The following CCDC170 variants were observed in gnomAD, a reference collection of about 807,000 sequenced individuals.
CCDC170 encodes coiled-coil domain containing 170.
CCDC170 carries 69 observed loss-of-function variants against 72.6 expected under a neutral mutation model. That is an observed-to-expected ratio of 0.95 (90% CI 0.78 to 1.16). The LOEUF (loss-of-function observed/expected upper bound fraction) is 1.16. CCDC170 is among the 50% of genes most tolerant of loss of function. The probability of loss-of-function intolerance (pLI) is 0.00; values close to 1 mark genes in which losing one functional copy is unlikely to be tolerated. For synonymous variants in CCDC170, 300 were observed against 303.9 expected (o/e 0.99, Z 0.13); for missense variants, 852 against 832.5 (o/e 1.02, Z -0.29).
intron 9 of CCDC170, among the ~76,000 whole-genome samples, chr6:151,598,409 T>C (rs73780816): frequency 0.024 from 3,614 of 152,082 alleles, 144 homozygotes; most frequent in African/African-American, 0.082. Context: ...GCTGGAGAGC[T>C]CATTACAGGA....
At chr6:151,494,221 C>T in intron 1 of CCDC170, 36 bp downstream of exon 1, 2 of 1,485,274 alleles carry the variant, frequency 1.3e-6, no homozygotes, top group Non-Finnish European at 1.8e-6. Flanking sequence ...GCGGGGGTGG[C>T]CCTGGGGATA....
intron 9 of CCDC170, among the ~76,000 whole-genome samples, chr6:151,603,206 T>G (rs1301834015): frequency 6.6e-6 from 1 of 150,768 alleles, no homozygotes; most frequent in African/African-American, 2.5e-5. Context: ...TTCTTTTGAG[T>G]TTGGCATGTT....
intron 1 of CCDC170, among the ~76,000 whole-genome samples, chr6:151,507,523 A>G (rs1445497464): frequency 2.0e-5 from 3 of 152,196 alleles, no homozygotes; most frequent in Non-Finnish European, 2.9e-5. Flanking sequence ...AATATCTTCT[A>G]TGAAAGAAGG....
chr6:151,536,245 C>T, intron 1 of CCDC170, 73 bp from the exon 2 acceptor site: 1 of 1,556,862 alleles, frequency 6.4e-7, no homozygotes, highest in Non-Finnish European at 8.8e-7. Context: ...TTTAATCTGG[C>T]TTTGTGCAGC....
chr6:151,601,518 CGT>C (rs201008177), intron 9 of CCDC170, among the ~76,000 whole-genome samples: 14 of 150,442 alleles, frequency 9.3e-5, no homozygotes, highest in Non-Finnish European at 1.2e-4. Context: ...AAAAACAGTG[CGT>C]GTGTGTGTGT....
Position 151,548,477 on chromosome 6 carries a change from G to C in CCDC170, c.762G>C (p.Glu254Asp). The change falls in exon 5 of 11, where the codon GAG (glutamate) becomes GAC (aspartate). Residue 254 changes from glutamate (E) to aspartate (D), a missense_variant. Coordinates refer to ENST00000239374, the MANE Select transcript of CCDC170 (RefSeq NM_025059.4). The part of the protein sequence containing the change: ...KKAASCTEEK[E>D]KLNQDLLSAV... ...CTGCCTCCTGTACTGAAGAGAAAGA[G>C]AAGCTGAACCAGGTATGATATGTGA... is the stretch of plus-strand genomic sequence containing the variant. The C allele has an allele frequency of 6.3e-7, 1 of 1,577,094 alleles. No individual in the cohort carries two copies. The highest frequency in any genetic ancestry group is 8.6e-7 in the Non-Finnish European group (1 of 1,164,082).
chr6:151,534,942 G>A (rs1198720838), intron 1 of CCDC170, among the ~76,000 whole-genome samples: 1 of 152,106 alleles, frequency 6.6e-6, no homozygotes, highest in Non-Finnish European at 1.5e-5. Flanking sequence ...AAAATGAATG[G>A]CTTTCTTCTG....
chr6:151,620,729 C>T lies in CCDC170; in HGVS notation c.*2582C>T, dbSNP rs1777047989. 1 of 151,998 alleles carries T rather than the reference C, an allele frequency of 6.6e-6. No homozygotes were observed. The highest frequency in any genetic ancestry group is 2.4e-5 in the African/African-American group (1 of 41,364). The allele number at this position is 151,998 out of a possible 1,614,324, so 9.4% of individuals were successfully genotyped here. On this transcript the variant is annotated 3_prime_UTR_variant, in exon 11 of 11. Coordinates refer to ENST00000239374, the MANE Select transcript of CCDC170 (RefSeq NM_025059.4). ...TTTTCCAAATATAATCTTTAATAAA[C>T]TTGATTTAGTTTCTTGGGAAATTTA...
intron 1 of CCDC170, among the ~76,000 whole-genome samples, chr6:151,516,699 T>C (rs576465691): frequency 5.3e-5 from 8 of 152,144 alleles, no homozygotes; most frequent in Non-Finnish European, 1.0e-4. Context: ...ACTGGTCAGC[T>C]CTAGACTGTA....
intron 1 of CCDC170, among the ~76,000 whole-genome samples, chr6:151,519,822 A>G (rs1782292483): frequency 6.6e-6 from 1 of 152,208 alleles, no homozygotes; most frequent in Non-Finnish European, 1.5e-5. Flanking sequence ...GAAAATCGTT[A>G]TGCTAGTGGT....
intron 1 of CCDC170, among the ~76,000 whole-genome samples, chr6:151,534,028 TTTTC>T (rs2115043781): frequency 6.6e-6 from 1 of 152,126 alleles, no homozygotes; most frequent in Non-Finnish European, 1.5e-5. Context: ...ACACAGCTTC[TTTTC>T]TTTCTTTCTT....
intron 1 of CCDC170, among the ~76,000 whole-genome samples, chr6:151,510,955 C>T (rs1396097731): frequency 6.6e-6 from 1 of 152,022 alleles, no homozygotes; most frequent in East Asian, 1.9e-4. Flanking sequence ...AGGCTGGTCT[C>T]GAACTCCAGA....
At chr6:151,527,791 G>A (rs1044777013) in intron 1 of CCDC170, among the ~76,000 whole-genome samples, 5 of 152,144 alleles carry the variant, frequency 3.3e-5, no homozygotes, top group Admixed American at 1.3e-4. Flanking sequence ...ACTGCAGCAT[G>A]GGATAATGCT....
chr6:151,547,464 C>T (rs1782793888), intron 4 of CCDC170, among the ~76,000 whole-genome samples: 1 of 151,968 alleles, frequency 6.6e-6, no homozygotes, highest in Non-Finnish European at 1.5e-5. Context: ...CCCGTGAGGT[C>T]GGGAGTTTTG....
chr6:151,528,644 C>G (rs1024894449), intron 1 of CCDC170, among the ~76,000 whole-genome samples: 23 of 151,998 alleles, frequency 1.5e-4, no homozygotes, highest in African/African-American at 5.3e-4. Flanking sequence ...TCAAGACCAG[C>G]CTGGACAACA....
intron 10 of CCDC170, among the ~76,000 whole-genome samples, chr6:151,617,408 C>CTTTTTTTTTTTTTTTTTTTTTT (rs745655791): frequency 1.2e-4 from 11 of 91,474 alleles, no homozygotes; most frequent in Admixed American, 2.8e-4. Context: ...GCTGTTTGTT[C>CTTTTTTTTTTTTTTTTTTTTTT]TTTTTTTTTT....
chr6:151,591,380 A>C (rs1324700493), intron 7 of CCDC170, among the ~76,000 whole-genome samples: 5 of 152,200 alleles, frequency 3.3e-5, no homozygotes, highest in African/African-American at 1.2e-4. Flanking sequence ...ACGGAAATCA[A>C]GCAGAGGAAA....
intron 1 of CCDC170, among the ~76,000 whole-genome samples, chr6:151,529,454 C>T (rs1433583480): frequency 6.6e-6 from 1 of 152,046 alleles, no homozygotes. Context: ...GTCAAGAGAT[C>T]GAGACCAGCC....
intron 9 of CCDC170, among the ~76,000 whole-genome samples, chr6:151,602,436 T>C (rs1776722997): frequency 6.6e-6 from 1 of 152,182 alleles, no homozygotes; most frequent in Admixed American, 6.6e-5. Flanking sequence ...AAATTAGGGA[T>C]ATTAATTCAA....
Sources: allele counts gnomAD v4.1 joint callset (sites outside exome capture counted in the v4.1 genomes callset), GRCh38; gene constraint gnomAD v4.1.1; transcripts MANE v1.5; gene names NCBI Gene and HGNC (gene_info 2026-07-23, HGNC 2026-07-21).